Variants in PPA2 observed in about 807,000 individuals in gnomAD.
The protein encoded by PPA2 is inorganic pyrophosphatase 2, also known as inorganic pyrophosphatase 2, mitochondrial.
A neutral mutation model predicts 49.5 loss-of-function variants in PPA2; 48 were observed. That is an observed-to-expected ratio of 0.97 (90% CI 0.77 to 1.23). The LOEUF (loss-of-function observed/expected upper bound fraction) is 1.23, where lower values mean the gene tolerates loss of function less well. Ranked by LOEUF, PPA2 falls within the 50% of genes most tolerant of loss-of-function variation. The pLI is 0.00. For synonymous variants in PPA2, 131 were observed against 139.9 expected, an observed-to-expected ratio of 0.94 and a Z score of 0.45; for missense variants, 429 against 410.1, an observed-to-expected ratio of 1.05 and a Z score of -0.40.
intron 3 of PPA2, among the ~76,000 whole-genome samples, chr4:105,450,495 G>GC (rs372571907): frequency 0.02 from 3,080 of 150,968 alleles, 49 homozygotes; most frequent in Middle Eastern, 0.059. Context: ...TCCTGCCTCA[G>GC]CCTCCCGAGC....
chr4:105,450,725 G>A (rs1311086482), intron 3 of PPA2, among the ~76,000 whole-genome samples: 3 of 146,966 alleles, frequency 2.0e-5, no homozygotes, highest in Non-Finnish European at 3.0e-5. Flanking sequence ...CTCCTGCCTC[G>A]GCCTCCCGAG....
At chr4:105,436,919 T>G (rs1015434479) in intron 6 of PPA2, among the ~76,000 whole-genome samples, 7 of 152,042 alleles carry the variant, frequency 4.6e-5, no homozygotes, top group African/African-American at 1.4e-4. Context: ...GGCAAAGAAT[T>G]TATGATGAAG....
chr4:105,438,964 T>G (rs1483760303), intron 5 of PPA2, among the ~76,000 whole-genome samples: 1 of 152,108 alleles, frequency 6.6e-6, no homozygotes, highest in Non-Finnish European at 1.5e-5. Context: ...ATTTTCCTTC[T>G]AGTACTAATT....
At chr4:105,464,707 A>G (rs1335732655) in intron 1 of PPA2, among the ~76,000 whole-genome samples, 1 of 151,958 alleles carries the variant, frequency 6.6e-6, no homozygotes, top group African/African-American at 2.4e-5. Context: ...TATACGGGGG[A>G]GTTTCCCTGC....
rs114464506 is a variant in PPA2 at position 105,393,441 on chromosome 4, G to A, written c.869+2808C>T. Among the ~76,000 whole-genome samples the A allele has an allele frequency of 3.2e-3, 485 of 150,344 alleles. 4 individuals are homozygous for A. The highest frequency in any genetic ancestry group is 0.011 in the African/African-American group (461 of 40,950). ...CAAGGCTGCAATGAGTCATGTTCGC[G>A]CCCCTGCACTCCAGCCTCGGCAACA... On this transcript the variant is annotated intron_variant, in intron 9 of 11. Coordinates refer to ENST00000341695, the MANE Select transcript of PPA2 (RefSeq NM_176869.3).
chr4:105,379,322 ACTTG>A (rs1733379313), intron 10 of PPA2, among the ~76,000 whole-genome samples: 1 of 151,922 alleles, frequency 6.6e-6, no homozygotes, highest in Non-Finnish European at 1.5e-5. Flanking sequence ...ACACAAAAAT[ACTTG>A]CTTGAGATAT....
chr4:105,471,297 T>G (rs1473128934), intron 1 of PPA2, among the ~76,000 whole-genome samples: 1 of 152,202 alleles, frequency 6.6e-6, no homozygotes, highest in Non-Finnish European at 1.5e-5. Context: ...GGCCTGATGA[T>G]TCCCATCAGG....
intron 5 of PPA2, among the ~76,000 whole-genome samples, chr4:105,439,788 A>C (rs6829168): frequency 0.18 from 26,891 of 147,760 alleles, 2,904 homozygotes; most frequent in African/African-American, 0.29. Flanking sequence ...TGCACCCATT[A>C]ACTCGTCATT....
chr4:105,442,123 G>GGC (rs1724399872), intron 5 of PPA2, among the ~76,000 whole-genome samples: 1 of 151,804 alleles, frequency 6.6e-6, no homozygotes, highest in Non-Finnish European at 1.5e-5. Context: ...TCTTGTCTTG[G>GGC]GCTCCCAAAG....
intron 7 of PPA2, chr4:105,405,607 T>A: frequency 9.9e-7 from 1 of 1,009,116 alleles, no homozygotes; most frequent in Non-Finnish European, 1.2e-6. Flanking sequence ...TATCAGCAAA[T>A]AAAAAGACTC....
intron 6 of PPA2, among the ~76,000 whole-genome samples, chr4:105,428,913 G>A (rs1022254514): frequency 1.2e-4 from 18 of 152,036 alleles, no homozygotes; most frequent in African/African-American, 4.3e-4. Flanking sequence ...AGCCTTTAGG[G>A]GTATAAAAAG....
Position 105,461,595 on chromosome 4 carries a change from G to A in PPA2, c.158-4850C>T, listed in dbSNP as rs114974643. 2.0e-3 allele frequency among the ~76,000 whole-genome samples: 304 copies of A among 152,250 alleles called. 5 individuals are homozygous for A. Among genetic ancestry groups the A allele is most frequent in the African/African-American group, 7.2e-3 (298 of 41,550 alleles). ...AGGCATAGTTGACCTCCCCATTCCA[G>A]TCGTGGCCAAGAACTCAGTTTTCAA... On this transcript the variant is annotated intron_variant, in intron 1 of 11. Transcript: ENST00000341695.
intron 7 of PPA2, among the ~76,000 whole-genome samples, chr4:105,411,898 T>C (rs1036220670): frequency 6.6e-6 from 1 of 152,164 alleles, no homozygotes; most frequent in Non-Finnish European, 1.5e-5. Flanking sequence ...GTGAAGGACC[T>C]CTTCAAGGAG....
intron 9 of PPA2, among the ~76,000 whole-genome samples, chr4:105,395,696 T>C (rs138974794): frequency 1.6e-4 from 24 of 152,268 alleles, no homozygotes; most frequent in African/African-American, 5.8e-4. Context: ...GAATTTTAAG[T>C]TACAAGGAGC....
chr4:105,438,527 A>G lies in PPA2; in HGVS notation c.442-491T>C, dbSNP rs542595170. Among the ~76,000 whole-genome samples the G allele has an allele frequency of 4.4e-4, 67 of 152,298 alleles. 1 individual carries two copies. The South Asian group carries it at 0.013, about 29-fold the overall frequency. On this transcript the variant is annotated intron_variant, in intron 5 of 11. Transcript: ENST00000341695. ...ACACTACTAAAGAAAATAAAAACCT[A>G]TTTTGTCTTATTCATTCCATTAAAA...
intron 2 of PPA2, among the ~76,000 whole-genome samples, chr4:105,454,545 A>G (rs1722805596): frequency 6.6e-6 from 1 of 152,148 alleles, no homozygotes; most frequent in Non-Finnish European, 1.5e-5. Context: ...CGTGTTAGCC[A>G]GGATGGTCTT....
intron 7 of PPA2, 162 bp from the exon 8 acceptor site, chr4:105,399,326 C>G (rs1734269269): frequency 1.7e-6 from 1 of 588,920 alleles, no homozygotes; most frequent in Non-Finnish European, 2.9e-6. Flanking sequence ...ATATGTATAT[C>G]ACCTTCAGAC....
intron 1 of PPA2, among the ~76,000 whole-genome samples, chr4:105,466,825 G>A (rs531535319): frequency 1.1e-3 from 161 of 152,258 alleles, no homozygotes; most frequent in African/African-American, 3.8e-3. Context: ...CCAGCACTTG[G>A]GAAAGGGACC....
chr4:105,391,032 G>GC (rs35910430), intron 9 of PPA2, among the ~76,000 whole-genome samples: 64,134 of 151,624 alleles, frequency 0.42, 14,151 homozygotes, highest in East Asian at 0.68. Context: ...CATGTCCTTT[G>GC]CAGGGACATG....
Sources: allele counts gnomAD v4.1 joint callset (sites outside exome capture counted in the v4.1 genomes callset), GRCh38; gene constraint gnomAD v4.1.1; transcripts MANE v1.5; gene names NCBI Gene and HGNC (gene_info 2026-07-23, HGNC 2026-07-21).